The following IL16 variants were observed in gnomAD, a reference collection of about 807,000 sequenced individuals.
IL16 encodes the protein pro-interleukin-16.
A neutral mutation model predicts 110.1 loss-of-function variants in IL16; 67 were observed. That is an observed-to-expected ratio of 0.61 (90% CI 0.50 to 0.75). The LOEUF (loss-of-function observed/expected upper bound fraction) is 0.75. IL16 is among the 30% of genes least tolerant of loss of function. The pLI, the probability that IL16 is intolerant of heterozygous loss-of-function variation, is 0.00. For synonymous variants in IL16, 689 were observed against 662.9 expected, an observed-to-expected ratio of 1.04 and a Z score of -0.61; for missense variants, 1,545 against 1,655.0, an observed-to-expected ratio of 0.93 and a Z score of 1.15.
chr15:81,313,559 G>A lies in IL16; in HGVS notation c.*4761G>A, dbSNP rs1900981346. On this transcript the variant is annotated 3_prime_UTR_variant, in exon 19 of 19. Transcript: ENST00000683961. ...TGCCCTCCACCCAGGAGTCCTCTCT[G>A]GACCTGCTGATTTTCAGGATGGAAA... The A allele has an allele frequency of 1.7e-6, 1 of 581,720 alleles. No individual in the cohort carries two copies. Among genetic ancestry groups the A allele is most frequent in the South Asian group, 6.1e-5 (1 of 16,330 alleles). 36.0% of individuals were successfully genotyped at this position (581,720 alleles called of 1,614,324 possible).
intron 3 of IL16, among the ~76,000 whole-genome samples, chr15:81,265,249 C>T (rs988686244): frequency 2.0e-5 from 3 of 152,154 alleles, no homozygotes; most frequent in African/African-American, 4.8e-5. Flanking sequence ...TACTGGGTCT[C>T]GCCTGTTTGT....
intron 4 of IL16, among the ~76,000 whole-genome samples, chr15:81,268,561 G>C (rs925411882): frequency 2.6e-5 from 4 of 152,264 alleles, no homozygotes; most frequent in African/African-American, 9.6e-5. Context: ...AGCAGCCCGG[G>C]ATCCTGGTTC....
intron 4 of IL16, among the ~76,000 whole-genome samples, chr15:81,267,487 C>G (rs922985735): frequency 7.1e-6 from 1 of 141,148 alleles, no homozygotes; most frequent in African/African-American, 3.0e-5. Context: ...CAGACACACA[C>G]ACACACACAC....
At chr15:81,211,253 CT>C (rs201687635) in intron 1 of IL16, among the ~76,000 whole-genome samples, 2,218 of 135,164 alleles carry the variant, frequency 0.016, 47 homozygotes, top group African/African-American at 0.051. Context: ...TTTTTTCTTT[CT>C]TTTTTTTTTT....
rs1384654709 is a variant in IL16, at chr15:81,232,068, T to TC, written c.312+6357_312+6358insC. Among the ~76,000 whole-genome samples, 12 of 135,148 alleles carry TC rather than the reference T, an allele frequency of 8.9e-5. 1 individual carries two copies. Among genetic ancestry groups the TC allele is most frequent in the South Asian group, 4.7e-4 (2 of 4,242 alleles). The allele number at this position is 135,148 out of a possible 152,430, so 88.7% of individuals were successfully genotyped here. A position where few individuals can be genotyped will look rare whatever the true frequency, so the allele number is the denominator to read the frequency against. ...TTTTTTTTTTTTTTTTTTTTTTTTCTTTTTTTTTTCACATTTGTTCTTAAA... is the reference window on the plus strand; with the variant it reads ...TTTTTTTTTTTTTTTTTTTTTTTTCTCTTTTTTTTTCACATTTGTTCTTAAA... On this transcript the variant is annotated intron_variant, in intron 2 of 18. Coordinates refer to ENST00000683961, the MANE Select transcript of IL16 (RefSeq NM_172217.5).
At chr15:81,200,506 A>T (rs1895770438) in intron 1 of IL16, among the ~76,000 whole-genome samples, 1 of 151,888 alleles carries the variant, frequency 6.6e-6, no homozygotes. Flanking sequence ...AGTAGCTGGG[A>T]CTACAGGCAC....
chr15:81,188,019 G>A (rs1895442488), intron 1 of IL16, among the ~76,000 whole-genome samples: 1 of 152,162 alleles, frequency 6.6e-6, no homozygotes, highest in Admixed American at 6.5e-5. Flanking sequence ...GGTGAGCACT[G>A]TATTGAGGCT....
At chr15:81,182,956 G>T in intron 1 of IL16, 1 of 1,027,722 alleles carries the variant, frequency 9.7e-7, no homozygotes, top group Non-Finnish European at 1.3e-6. Context: ...TGGAGGGGTG[G>T]ACCCTTCCTG....
intron 2 of IL16, among the ~76,000 whole-genome samples, chr15:81,242,945 A>T (rs1021467666): frequency 4.0e-4 from 60 of 151,074 alleles, no homozygotes; most frequent in Non-Finnish European, 8.0e-4. Flanking sequence ...TGGTCAAAAA[A>T]TTTTTTTGCA....
At chr15:81,214,550 G>GT (rs1258545603) in intron 1 of IL16, among the ~76,000 whole-genome samples, 4 of 131,558 alleles carry the variant, frequency 3.0e-5, no homozygotes, top group Non-Finnish European at 6.2e-5. Flanking sequence ...TTGCCTTTAA[G>GT]ATTTTTTTTT....
rs1026292980 is a variant in IL16 at position 81,312,685 on chromosome 15, T to C, written c.*3887T>C. ...TGAAAGTGTTTTTCCTTAATGCTTA[T>C]CCTGTTTTTAAACCATTATTTCCAA... On this transcript the variant is annotated 3_prime_UTR_variant, in exon 19 of 19. Coordinates refer to ENST00000683961, the MANE Select transcript of IL16 (RefSeq NM_172217.5). The C allele has an allele frequency of 6.6e-6, 1 of 152,280 alleles. No homozygotes were observed. The highest frequency in any genetic ancestry group is 2.4e-5 in the African/African-American group (1 of 41,472). The allele number at this position is 152,280 out of a possible 1,614,324, so 9.4% of individuals were successfully genotyped here.
At chr15:81,227,265 A>G (rs1896820156) in intron 2 of IL16, among the ~76,000 whole-genome samples, 1 of 152,190 alleles carries the variant, frequency 6.6e-6, no homozygotes, top group South Asian at 2.1e-4. Context: ...TTGATATATA[A>G]TATAATATTA....
intron 3 of IL16, among the ~76,000 whole-genome samples, chr15:81,264,087 C>T (rs1331013182): frequency 3.3e-5 from 5 of 152,182 alleles, no homozygotes; most frequent in East Asian, 3.9e-4. Context: ...TTAAACACTC[C>T]GGATAAATAT....
At chr15:81,248,755 C>G (rs187828369) in intron 2 of IL16, among the ~76,000 whole-genome samples, 128 of 126,022 alleles carry the variant, frequency 1.0e-3, no homozygotes, top group Admixed American at 2.8e-3. Flanking sequence ...GAGTCTCACT[C>G]TATCACCCAG....
At chr15:81,297,318 G>A (rs1900038040) in intron 13 of IL16, among the ~76,000 whole-genome samples, 1 of 152,080 alleles carries the variant, frequency 6.6e-6, no homozygotes, top group African/African-American at 2.4e-5. Context: ...AGGAATGCAG[G>A]CCATTCTGGA....
intron 8 of IL16, among the ~76,000 whole-genome samples, chr15:81,282,103 G>A (rs535197632): frequency 9.2e-5 from 14 of 152,290 alleles, no homozygotes; most frequent in South Asian, 2.1e-4. Flanking sequence ...CTCTCTCACC[G>A]TCATGTGCTG....
At chr15:81,262,784 A>G (rs1384989934) in intron 3 of IL16, among the ~76,000 whole-genome samples, 1 of 152,164 alleles carries the variant, frequency 6.6e-6, no homozygotes, top group African/African-American at 2.4e-5. Context: ...ATACAAAATT[A>G]GCCGGGAGTG....
intron 1 of IL16, among the ~76,000 whole-genome samples, chr15:81,186,908 C>G (rs1484943843): frequency 6.6e-6 from 1 of 152,102 alleles, no homozygotes; most frequent in Non-Finnish European, 1.5e-5. Flanking sequence ...TCCTCCCTGC[C>G]TCAGCATCCT....
At chr15:81,237,333 A>G (rs1897208380) in intron 2 of IL16, among the ~76,000 whole-genome samples, 1 of 152,220 alleles carries the variant, frequency 6.6e-6, no homozygotes, top group African/African-American at 2.4e-5. Flanking sequence ...TGCAGGTAGG[A>G]GGAATTTACT....
Sources: allele counts gnomAD v4.1 joint callset (sites outside exome capture counted in the v4.1 genomes callset), GRCh38; gene constraint gnomAD v4.1.1; transcripts MANE v1.5; gene names NCBI Gene and HGNC (gene_info 2026-07-23, HGNC 2026-07-21).